ERICH1: variants seen among roughly 807,000 people sequenced by gnomAD.
ERICH1 encodes glutamate-rich protein 1.
Under a neutral mutation model 39.6 loss-of-function variants are expected in ERICH1, and 56 were observed. The ratio of observed to expected loss-of-function variants is 1.41; its 90% CI spans 1.14 to 1.77. The LOEUF is 1.77. Ranked by LOEUF, ERICH1 falls within the 40% of genes most tolerant of loss-of-function variation. ERICH1 has a pLI of 0.00. For synonymous variants in ERICH1, 313 were observed against 223.6 expected (o/e 1.40, Z -3.57); for missense variants, 826 against 575.4 (o/e 1.44, Z -4.45).
intron 3 of ERICH1, among the ~76,000 whole-genome samples, chr8:678,800 T>A (rs1239331891): frequency 1.3e-5 from 2 of 152,084 alleles, no homozygotes; most frequent in Non-Finnish European, 2.9e-5. Flanking sequence ...AGCGCGAGAC[T>A]CCATCTCAAA....
intron 3 of ERICH1, among the ~76,000 whole-genome samples, chr8:688,004 G>A (rs1807885341): frequency 6.6e-6 from 1 of 152,056 alleles, no homozygotes. Context: ...AGCCCCGACC[G>A]CAGCCCCAGC....
At chr8:624,564 G>T (rs550388171) in intron 3 of ERICH1, among the ~76,000 whole-genome samples, 4 of 152,302 alleles carry the variant, frequency 2.6e-5, no homozygotes, top group South Asian at 4.1e-4. Context: ...TTGGCTCACA[G>T]TTCTGCAGGC....
chr8:616,408 G>C, intron 3 of ERICH1: 1 of 396,232 alleles, frequency 2.5e-6, no homozygotes, highest in South Asian at 1.8e-5. Flanking sequence ...CCACGTGTGT[G>C]AGGCTGACCG....
intron 2 of ERICH1, among the ~76,000 whole-genome samples, chr8:700,235 G>A (rs1243531190): frequency 1.1e-4 from 4 of 36,296 alleles, no homozygotes; most frequent in Admixed American, 3.4e-4. Flanking sequence ...ACGCGCACAG[G>A]CCCGCACAGG....
chr8:701,424 G>A (rs568332585), intron 2 of ERICH1, among the ~76,000 whole-genome samples: 25 of 152,342 alleles, frequency 1.6e-4, no homozygotes, highest in Admixed American at 3.3e-4. Context: ...CCTTACCCAC[G>A]GGTGTGCCCT....
At chr8:728,562 A>C (rs956577844) in intron 1 of ERICH1, among the ~76,000 whole-genome samples, 2 of 152,214 alleles carry the variant, frequency 1.3e-5, no homozygotes, top group African/African-American at 4.8e-5. Flanking sequence ...TATATGCCAG[A>C]AACAGCCCGA....
In ERICH1 at chr8:716,020, C is replaced by T. The variant is rs756788840; in HGVS notation, c.23-13G>A. 3 of 1,578,484 alleles carry T rather than the reference C, an allele frequency of 1.9e-6. No homozygotes were observed. The highest frequency in any genetic ancestry group is 1.7e-6 in the Non-Finnish European group (2 of 1,166,994). Reference sequence around the variant, plus strand: ...TTCTCCACAAACACTGTACAGACAACCGATTAAAAGAAAAGGAGGAAAAGG... The same window carrying T: ...TTCTCCACAAACACTGTACAGACAATCGATTAAAAGAAAAGGAGGAAAAGG... On this transcript the variant is annotated splice_polypyrimidine_tract_variant and intron_variant, in intron 1 of 5. Transcript: ENST00000262109.
chr8:660,231 G>A (rs1192864109), downstream of ERICH1, among the ~76,000 whole-genome samples: 1 of 152,350 alleles, frequency 6.6e-6, no homozygotes, highest in African/African-American at 2.4e-5. Context: ...ATGTGCTCAT[G>A]TTCACACACA....
intron 3 of ERICH1, among the ~76,000 whole-genome samples, chr8:689,019 G>A (rs544399810): frequency 6.6e-6 from 1 of 152,312 alleles, no homozygotes; most frequent in East Asian, 1.9e-4. Flanking sequence ...TGATTAATCT[G>A]CAATAAAAGA....
intron 3 of ERICH1, among the ~76,000 whole-genome samples, chr8:687,554 C>T (rs1017240862): frequency 1.1e-4 from 16 of 152,156 alleles, no homozygotes; most frequent in African/African-American, 3.6e-4. Context: ...AGGGGAGAGG[C>T]GGGAACCCGT....
intron 3 of ERICH1, among the ~76,000 whole-genome samples, chr8:635,117 C>T (rs951316416): frequency 2.6e-5 from 4 of 151,942 alleles, no homozygotes; most frequent in African/African-American, 9.7e-5. Flanking sequence ...AAAAAAGCAC[C>T]TCACCAGGAG....
Position 636,190 on chromosome 8 carries a change from C to A in ERICH1, c.977-20906G>T, listed in dbSNP as rs1013768026. Among the ~76,000 whole-genome samples the A allele has an allele frequency of 3.9e-5, 6 of 152,294 alleles. No individual in the cohort carries two copies. In the South Asian group the frequency reaches 6.2e-4, roughly 16 times the overall value. ...CCCGGCCACCTCCACTGCCCTGGGC[C>A]GAGCTGAATCCCTGCGCCCCAACCA... On this transcript the variant is annotated intron_variant, in intron 3 of 3. Transcript: ENST00000522706.
At position 640,122 on chromosome 8, in the gene ERICH1, G is replaced by C. The variant is rs557419024; in HGVS notation, c.977-24838C>G. ...TCAGGGGGCTGAAATACTTGCCTGA[G>C]ACATGGAAGCAGTCAGTGGCAGAAC... On this transcript the variant is annotated intron_variant, in intron 3 of 3. Coordinates refer to the ERICH1 transcript ENST00000522706. Among the ~76,000 whole-genome samples the C allele has an allele frequency of 8.5e-5, 13 of 152,312 alleles. No individual in the cohort carries two copies. In the South Asian group the frequency reaches 2.5e-3, roughly 29 times the overall value.
chr8:692,510 G>C lies in ERICH1; in HGVS notation c.272C>G (p.Pro91Arg). Residue 91 changes from proline (P) to arginine (R), a missense_variant, in exon 3 of 6, where the codon CCC becomes CGC. Physicochemically the swap from Pro to Arg is moderately radical, Grantham distance 103. Coordinates refer to ENST00000262109, the MANE Select transcript of ERICH1 (RefSeq NM_207332.3). ...GTCATCCCCGCTGGAGGCGTTCTCG[G>C]GGCTCCCACAGCTGCTGGGCTCCGG... ...CWPEPSSCGS[P>R]ENASSGDDTE... 6.2e-7 allele frequency: 1 copy of C among 1,613,984 alleles called. No homozygotes were observed. Among genetic ancestry groups the C allele is most frequent in the Middle Eastern group, 1.6e-4 (1 of 6,062 alleles).
At chr8:655,837 G>A (rs539195626) in intron 3 of ERICH1, among the ~76,000 whole-genome samples, 12 of 151,930 alleles carry the variant, frequency 7.9e-5, no homozygotes, top group Non-Finnish European at 1.3e-4. Context: ...TTTAACTCAC[G>A]ACCACGTTTT....
intron 2 of ERICH1, among the ~76,000 whole-genome samples, chr8:701,829 C>A (rs189093839): frequency 2.0e-5 from 3 of 152,022 alleles, no homozygotes; most frequent in Non-Finnish European, 4.4e-5. Context: ...CGGTTGCTCA[C>A]GCATGTAATC....
chr8:625,558 T>C (rs1432263395), intron 3 of ERICH1: 1 of 152,230 alleles, frequency 6.6e-6, no homozygotes, highest in Non-Finnish European at 1.5e-5. Context: ...GTAGTGAGGA[T>C]TGTACAACTC....
At chr8:692,657 A>G (rs747709508) in intron 2 of ERICH1, 45 bp from the exon 3 acceptor site, 5 of 1,525,114 alleles carry the variant, frequency 3.3e-6, no homozygotes, top group Non-Finnish European at 1.8e-6. Context: ...AATATCACAA[A>G]ATGCAGTCAT....
chr8:655,773 G>A (rs1481354949), intron 3 of ERICH1, among the ~76,000 whole-genome samples: 5 of 120,960 alleles, frequency 4.1e-5, no homozygotes, highest in South Asian at 5.3e-4. Flanking sequence ...ACGGTAGACA[G>A]TGTATTATTT....
Sources: allele counts gnomAD v4.1 joint callset (sites outside exome capture counted in the v4.1 genomes callset), GRCh38; gene constraint gnomAD v4.1.1; transcripts MANE v1.5; gene names NCBI Gene and HGNC (gene_info 2026-07-23, HGNC 2026-07-21).